Variants in LRP1B observed in about 807,000 individuals in gnomAD.
LRP1B encodes LDL receptor related protein 1B.
A neutral mutation model predicts 556.6 loss-of-function variants in LRP1B; 217 were observed. The ratio of observed to expected loss-of-function variants is 0.39; its 90% confidence interval spans 0.35 to 0.44. The LOEUF is 0.44. Ranked by LOEUF, LRP1B falls within the 20% of genes least tolerant of loss-of-function variation. The pLI is 1.00. For synonymous variants in LRP1B, 2,047 were observed against 1,865.8 expected, an observed-to-expected ratio of 1.10 and a Z score of -2.50; for missense variants, 5,053 against 5,620.8, an observed-to-expected ratio of 0.90 and a Z score of 3.23.
intron 2 of LRP1B, among the ~76,000 whole-genome samples, chr2:141,515,105 C>A (rs1464084505): frequency 6.6e-6 from 1 of 152,068 alleles, no homozygotes; most frequent in African/African-American, 2.4e-5. Context: ...GAGTTTGAGA[C>A]CAGATTGACC....
intron 7 of LRP1B, among the ~76,000 whole-genome samples, chr2:141,149,119 T>C (rs999690071): frequency 6.6e-6 from 1 of 151,948 alleles, no homozygotes; most frequent in African/African-American, 2.4e-5. Context: ...GTGGAAAGAA[T>C]GTTCAAGAGA....
intron 41 of LRP1B, among the ~76,000 whole-genome samples, chr2:140,652,077 A>G (rs1316715487): frequency 6.6e-6 from 1 of 152,174 alleles, no homozygotes; most frequent in Non-Finnish European, 1.5e-5. Flanking sequence ...AAGTAGCAGA[A>G]AGTCAAAAGG....
At chr2:141,429,219 C>T (rs1185525821) in intron 3 of LRP1B, among the ~76,000 whole-genome samples, 1 of 152,116 alleles carries the variant, frequency 6.6e-6, no homozygotes, top group Non-Finnish European at 1.5e-5. Flanking sequence ...CAATTAGACC[C>T]TTACAAATTT....
chr2:140,497,950 G>T (rs892207913), intron 55 of LRP1B, among the ~76,000 whole-genome samples: 9 of 151,660 alleles, frequency 5.9e-5, no homozygotes, highest in Non-Finnish European at 1.0e-4. Flanking sequence ...GAAATAACAT[G>T]TGTAAAAAGA....
At chr2:140,793,717 T>C (rs1458868524) in intron 32 of LRP1B, among the ~76,000 whole-genome samples, 3 of 152,044 alleles carry the variant, frequency 2.0e-5, no homozygotes, top group Non-Finnish European at 4.4e-5. Flanking sequence ...ATAGCTTATT[T>C]CATGGGAAAA....
chr2:141,636,209 G>A (rs150244492), intron 2 of LRP1B, among the ~76,000 whole-genome samples: 1 of 152,064 alleles, frequency 6.6e-6, no homozygotes, highest in African/African-American at 2.4e-5. Context: ...ACTACTTAAC[G>A]TTGGGAGTCA....
chr2:140,821,022 T>C (rs972931641), intron 31 of LRP1B, among the ~76,000 whole-genome samples: 1 of 152,152 alleles, frequency 6.6e-6, no homozygotes, highest in Non-Finnish European at 1.5e-5. Flanking sequence ...ATATTAGTTG[T>C]TTATTTTCAG....
intron 3 of LRP1B, among the ~76,000 whole-genome samples, chr2:141,339,886 A>G (rs570878409): frequency 2.0e-5 from 3 of 152,216 alleles, no homozygotes; most frequent in South Asian, 4.1e-4. Context: ...TCACCAGATC[A>G]GTGAACATTG....
intron 25 of LRP1B, among the ~76,000 whole-genome samples, chr2:140,872,360 A>ATTTTTTTTTTTT (rs59469282): frequency 0.017 from 1,040 of 60,440 alleles, 96 homozygotes; most frequent in Non-Finnish European, 0.024. Flanking sequence ...GTGTCACCTG[A>ATTTTTTTTTTTT]TTTTTTTTTT....
intron 43 of LRP1B, among the ~76,000 whole-genome samples, chr2:140,550,269 C>T (rs1680498718): frequency 6.6e-6 from 1 of 152,040 alleles, no homozygotes; most frequent in African/African-American, 2.4e-5. Context: ...CACTTCATTA[C>T]CCACTGCTAT....
rs1376741618 is a variant in LRP1B at position 141,701,550 on chromosome 2, A to G, written c.205+108729T>C. ...CTTATAATCTAGATGTCCTTGGGAA[A>G]GCACAAGAAACAAGGTTACTGCTAC... On this transcript the variant is annotated intron_variant, in intron 2 of 90. Transcript: ENST00000389484. Among the ~76,000 whole-genome samples the G allele has an allele frequency of 2.0e-5, 3 of 151,874 alleles. No individual in the cohort carries two copies. In the East Asian group the frequency reaches 5.8e-4, roughly 29 times the overall value.
At chr2:141,022,361 T>A (rs968765514) in intron 11 of LRP1B, among the ~76,000 whole-genome samples, 5 of 151,894 alleles carry the variant, frequency 3.3e-5, no homozygotes, top group African/African-American at 1.2e-4. Context: ...TAAAAAGATC[T>A]ATGAGCAAAT....
At position 140,598,847 on chromosome 2, in the gene LRP1B, G is replaced by T. The variant is rs533293836; in HGVS notation, c.6990-12C>A. The T allele has an allele frequency of 6.5e-7, 1 of 1,532,464 alleles. No homozygotes were observed. The allele number at this position is 1,532,464 out of a possible 1,614,324, so 94.9% of individuals were successfully genotyped here. ...TCCAAAACATTAAACTAATTAAAATGAAAATTGTAACTATAAATTAAACTT... is the reference window on the plus strand; with the variant it reads ...TCCAAAACATTAAACTAATTAAAATTAAAATTGTAACTATAAATTAAACTT... On this transcript the variant is annotated splice_polypyrimidine_tract_variant and intron_variant, in intron 42 of 90. Transcript: ENST00000389484.
intron 1 of LRP1B, among the ~76,000 whole-genome samples, chr2:142,100,045 C>A (rs1375036232): frequency 1.3e-5 from 2 of 151,884 alleles, no homozygotes; most frequent in Admixed American, 1.3e-4. Flanking sequence ...ACAAACAATG[C>A]AAATGTTGCC....
At chr2:140,884,269 C>T (rs1181655548) in intron 24 of LRP1B, among the ~76,000 whole-genome samples, 1 of 152,066 alleles carries the variant, frequency 6.6e-6, no homozygotes, top group Non-Finnish European at 1.5e-5. Context: ...AGTTTTTAAG[C>T]AGCTCTGAGG....
In LRP1B at chr2:140,776,306, C is replaced by T. The variant is rs1689496608; in HGVS notation, c.5360-68G>A. On this transcript the variant is annotated intron_variant, in intron 32 of 90. Coordinates refer to ENST00000389484, the MANE Select transcript of LRP1B (RefSeq NM_018557.3). ...CTTATTAAATAATAATAAATACTTA[C>T]TAAACTATAATACTCTCTGATTTCT... 2.9e-6 allele frequency: 3 copies of T among 1,036,734 alleles called. No individual in the cohort carries two copies. The Admixed American group carries it at 9.8e-5, about 34-fold the overall frequency. 64.2% of individuals were successfully genotyped at this position (1,036,734 alleles called of 1,614,324 possible). A position where few individuals can be genotyped will look rare whatever the true frequency, so the allele number is the denominator to read the frequency against.
At chr2:140,270,632 C>A (rs1423651389) in intron 85 of LRP1B, among the ~76,000 whole-genome samples, 1 of 151,906 alleles carries the variant, frequency 6.6e-6, no homozygotes, top group Non-Finnish European at 1.5e-5. Flanking sequence ...ACTCTAATAT[C>A]TATCATTTAC....
At chr2:140,843,556 C>T (rs533946010) in intron 29 of LRP1B, among the ~76,000 whole-genome samples, 4 of 152,228 alleles carry the variant, frequency 2.6e-5, no homozygotes, top group East Asian at 3.9e-4. Flanking sequence ...ACACTTTAAC[C>T]ATATTAATAT....
At chr2:141,619,994 C>T (rs2105334303) in intron 2 of LRP1B, among the ~76,000 whole-genome samples, 1 of 152,300 alleles carries the variant, frequency 6.6e-6, no homozygotes, top group South Asian at 2.1e-4. Flanking sequence ...CACTCTGTCA[C>T]CCAGGCTGGA....
Sources: allele counts gnomAD v4.1 joint callset (sites outside exome capture counted in the v4.1 genomes callset), GRCh38; gene constraint gnomAD v4.1.1; transcripts MANE v1.5; gene names NCBI Gene and HGNC (gene_info 2026-07-23, HGNC 2026-07-21).